VPS13B: variants seen among roughly 807,000 people sequenced by gnomAD.
The protein encoded by VPS13B is intermembrane lipid transfer protein VPS13B.
Under a neutral mutation model 426.4 loss-of-function variants are expected in VPS13B, and 285 were observed. The ratio of observed to expected loss-of-function variants is 0.67; its 90% CI spans 0.61 to 0.74. The LOEUF (loss-of-function observed/expected upper bound fraction) is 0.74, where lower values mean the gene tolerates loss of function less well. Ranked by LOEUF, VPS13B falls within the 30% of genes least tolerant of loss-of-function variation. The pLI is 0.00. For missense variants in VPS13B, 4,537 were observed against 4,782.6 expected, an observed-to-expected ratio of 0.95 and a Z score of 1.51; for synonymous variants, 1,676 against 1,676.4, an observed-to-expected ratio of 1.00 and a Z score of 0.01.
intron 34 of VPS13B, among the ~76,000 whole-genome samples, chr8:99,653,876 G>A (rs1435518795): frequency 6.6e-6 from 1 of 151,954 alleles, no homozygotes; most frequent in Non-Finnish European, 1.5e-5. Context: ...GTGCAGAGTA[G>A]GTACAGAATC....
Position 99,306,772 on chromosome 8 carries a change from G to C in VPS13B, c.2824+31518G>C, listed in dbSNP as rs1248709755. Among the ~76,000 whole-genome samples, 4 of 152,026 alleles carry C rather than the reference G, an allele frequency of 2.6e-5. No homozygotes were observed. The East Asian group carries it at 7.7e-4, about 29-fold the overall frequency. On this transcript the variant is annotated intron_variant, in intron 19 of 61. Coordinates refer to ENST00000357162, the MANE Select transcript of VPS13B (RefSeq NM_152564.5). ...AACTCTTAAACTGTGTTTTCCCATGGAAGAGGCATCTCACTTGAAATCTCA... is the reference window on the plus strand; with the variant it reads ...AACTCTTAAACTGTGTTTTCCCATGCAAGAGGCATCTCACTTGAAATCTCA...
chr8:99,650,595 C>G (rs1450218072), intron 34 of VPS13B, among the ~76,000 whole-genome samples: 2 of 152,110 alleles, frequency 1.3e-5, no homozygotes, highest in Non-Finnish European at 2.9e-5. Flanking sequence ...CACATACATA[C>G]CTATGATAAA....
intron 21 of VPS13B, among the ~76,000 whole-genome samples, chr8:99,408,225 A>G (rs1024887684): frequency 1.3e-5 from 2 of 152,160 alleles, no homozygotes; most frequent in Non-Finnish European, 2.9e-5. Flanking sequence ...TTTTACCAAT[A>G]TTAATCTTGA....
chr8:99,473,799 A>C (rs1184955213), intron 24 of VPS13B, among the ~76,000 whole-genome samples: 1 of 152,198 alleles, frequency 6.6e-6, no homozygotes, highest in Admixed American at 6.5e-5. Flanking sequence ...AAACTCACCA[A>C]GCTTTTATGA....
chr8:99,316,024 GA>G (rs1463389291), intron 19 of VPS13B, among the ~76,000 whole-genome samples: 1 of 152,200 alleles, frequency 6.6e-6, no homozygotes, highest in African/African-American at 2.4e-5. Context: ...CTTTGGTGTT[GA>G]TTCTGGGTGC....
intron 19 of VPS13B, among the ~76,000 whole-genome samples, chr8:99,315,574 T>TCTTATATC (rs1244845851): frequency 4.1e-4 from 62 of 152,146 alleles, no homozygotes; most frequent in African/African-American, 1.4e-3. Flanking sequence ...ATGTGTGTTC[T>TCTTATATC]CTTATATCTC....
chr8:99,275,190 A>G lies in VPS13B; in HGVS notation c.2760A>G (p.Leu920=), dbSNP rs138661755. The change falls in exon 19 of 62, where the codon TTA becomes TTG. Residue 920 remains leucine (L), a synonymous_variant. Transcript: ENST00000357162. ...AGAGTAGAAAGCCAGAGTCTCTCTTAGCTCCAGATTTGATGGCCTTCACAA... is the reference window on the plus strand; with the variant it reads ...AGAGTAGAAAGCCAGAGTCTCTCTTGGCTCCAGATTTGATGGCCTTCACAA... ...LNESRKPESL[L]APDLMAFTIQ... 3,056 of 1,613,226 alleles carry G rather than the reference A, an allele frequency of 1.9e-3. 15 individuals carry two copies. The highest frequency in any genetic ancestry group is 5.9e-3 in the South Asian group (536 of 91,010).
At position 99,691,052 on chromosome 8, in the gene VPS13B, A is replaced by T. The variant is rs116691163; in HGVS notation, c.6047-8473A>T. ...ACAAAATGGAATGAAGTATTGATAC[A>T]TGTTTCAACATGGATGAACCTTGGA... On this transcript the variant is annotated intron_variant, in intron 35 of 61. Transcript: ENST00000357162. Among the ~76,000 whole-genome samples, 870 of 152,340 alleles carry T rather than the reference A, an allele frequency of 5.7e-3. 8 individuals carry two copies. The highest frequency in any genetic ancestry group is 0.02 in the African/African-American group (834 of 41,572).
At chr8:99,562,500 C>T (rs1001389303) in intron 31 of VPS13B, among the ~76,000 whole-genome samples, 2 of 152,052 alleles carry the variant, frequency 1.3e-5, no homozygotes, top group Admixed American at 6.6e-5. Context: ...AGGCTGGCCT[C>T]GAACTTCTAA....
intron 17 of VPS13B, 65 bp from the exon 18 acceptor site, chr8:99,274,133 G>A: frequency 6.2e-7 from 1 of 1,600,580 alleles, no homozygotes; most frequent in Non-Finnish European, 8.6e-7. Flanking sequence ...TAAATGCCTT[G>A]GTGAAGGAAT....
At chr8:99,124,267 C>T (rs188436296) in intron 8 of VPS13B, among the ~76,000 whole-genome samples, 21 of 152,300 alleles carry the variant, frequency 1.4e-4, no homozygotes, top group African/African-American at 4.8e-4. Flanking sequence ...AGTGATATGA[C>T]ACTGTTAGAA....
intron 39 of VPS13B, among the ~76,000 whole-genome samples, chr8:99,741,270 C>T (rs1027295582): frequency 1.3e-5 from 2 of 152,136 alleles, no homozygotes; most frequent in Non-Finnish European, 2.9e-5. Context: ...ACAAGAAGAG[C>T]TAACTATCCT....
At chr8:99,429,886 A>G (rs906027395) in intron 21 of VPS13B, among the ~76,000 whole-genome samples, 3 of 152,182 alleles carry the variant, frequency 2.0e-5, no homozygotes, top group African/African-American at 7.2e-5. Context: ...TCTCCTTACT[A>G]TGACCTACAT....
At chr8:99,198,384 TTAGA>T (rs1814076144) in intron 17 of VPS13B, among the ~76,000 whole-genome samples, 1 of 152,168 alleles carries the variant, frequency 6.6e-6, no homozygotes, top group Admixed American at 6.5e-5. Flanking sequence ...ATTAATTGGC[TTAGA>T]TAGCCTGAAC....
At chr8:99,743,510 G>A (rs1465542695) in intron 39 of VPS13B, among the ~76,000 whole-genome samples, 2 of 152,006 alleles carry the variant, frequency 1.3e-5, no homozygotes, top group African/African-American at 2.4e-5. Flanking sequence ...AGCCCGCATC[G>A]CCAAGTCAAT....
At chr8:99,120,119 C>T in intron 7 of VPS13B, 1 of 152,594 alleles carries the variant, frequency 6.6e-6, no homozygotes, top group Non-Finnish European at 1.5e-5. Flanking sequence ...TCTCGAACTC[C>T]TGAGCTTAGG....
chr8:99,139,434 CTT>C (rs368548690), intron 12 of VPS13B, among the ~76,000 whole-genome samples: 27 of 135,614 alleles, frequency 2.0e-4, no homozygotes, highest in Admixed American at 1.6e-4. Flanking sequence ...TTGATATTTC[CTT>C]TTTTTTTTTT....
At position 99,818,759 on chromosome 8, in the gene VPS13B, C is replaced by CCATTATCAT; in HGVS notation, c.8493_8501dup (p.Ile2832_Ile2834dup). ...ATCATGAGGAGTCATCTTCCAGACC[C>CCATTATCAT]CATTATCATACATTTGGAGAAAAGG... On this transcript the variant is annotated inframe_insertion, in exon 47 of 62. Coordinates refer to ENST00000357162, the MANE Select transcript of VPS13B (RefSeq NM_152564.5). The CCATTATCAT allele has an allele frequency of 6.2e-7, 1 of 1,613,902 alleles. No homozygotes were observed. The highest frequency in any genetic ancestry group is 8.5e-7 in the Non-Finnish European group (1 of 1,179,944).
At chr8:99,858,633 C>T (rs568293281) in intron 56 of VPS13B, among the ~76,000 whole-genome samples, 266 of 151,836 alleles carry the variant, frequency 1.8e-3, no homozygotes, top group African/African-American at 5.7e-3. Context: ...TGCAGTGAGC[C>T]GAGATTGCAC....
Sources: gnomAD v4.1 joint callset for allele counts (sites outside exome capture counted in the v4.1 genomes callset) on GRCh38, gnomAD v4.1.1 for gene constraint, MANE v1.5 for transcripts, NCBI Gene and HGNC (gene_info 2026-07-23, HGNC 2026-07-21) for gene names.